The following RNF121 variants were observed in gnomAD, a reference collection of about 807,000 sequenced individuals.
RNF121 encodes ring finger protein 121.
Under a neutral mutation model 46.5 loss-of-function variants are expected in RNF121, and 21 were observed. That is an observed-to-expected ratio of 0.45 (90% CI 0.32 to 0.65). RNF121 has a LOEUF of 0.65. Ranked by LOEUF, RNF121 falls within the 30% of genes least tolerant of loss-of-function variation. The pLI, the probability that RNF121 is intolerant of heterozygous loss-of-function variation, is 0.04. For missense variants in RNF121, 346 were observed against 416.0 expected (o/e 0.83, Z 1.46); for synonymous variants, 139 against 144.7 (o/e 0.96, Z 0.28).
Position 71,977,751 on chromosome 11 carries a change from C to T in RNF121, c.244-5010C>T, listed in dbSNP as rs1358228704. ...CTCTTCCAGGAAGTTTTCCTGACAG[C>T]TCCTGCCTCATCTTTCCACTGAATT... On this transcript the variant is annotated intron_variant, in intron 3 of 8. Transcript: ENST00000361756. 5.3e-5 allele frequency among the ~76,000 whole-genome samples: 8 copies of T among 152,178 alleles called. No homozygotes were observed. In the East Asian group the frequency reaches 1.5e-3, roughly 29 times the overall value.
At chr11:71,961,031 A>C in intron 3 of RNF121, 140 bp downstream of exon 3, 2 of 948,134 alleles carry the variant, frequency 2.1e-6, no homozygotes, top group Non-Finnish European at 3.1e-6. Context: ...AATGATGAAT[A>C]GTGTATTGGC....
chr11:71,970,536 C>T (rs1954399678), intron 3 of RNF121, among the ~76,000 whole-genome samples: 2 of 152,048 alleles, frequency 1.3e-5, no homozygotes, highest in Admixed American at 1.3e-4. Context: ...GTGGTGTGCA[C>T]TTGTAATGCC....
intron 3 of RNF121, among the ~76,000 whole-genome samples, chr11:71,981,386 G>A (rs1954653315): frequency 6.6e-6 from 1 of 152,120 alleles, no homozygotes; most frequent in South Asian, 2.1e-4. Flanking sequence ...AGAATGCCAG[G>A]AAACTAGCCG....
Position 71,987,198 on chromosome 11 carries a change from A to G in RNF121, c.506+87A>G, listed in dbSNP as rs73531963. On this transcript the variant is annotated intron_variant, in intron 5 of 8. Coordinates refer to ENST00000361756, the MANE Select transcript of RNF121 (RefSeq NM_018320.5). ...CTCTTGTTGCAAGTCGTGGTTATTAACAGGAGGGACGTAATATCCAGGATA... is the reference window on the plus strand; with the variant it reads ...CTCTTGTTGCAAGTCGTGGTTATTAGCAGGAGGGACGTAATATCCAGGATA... 2,286 of 859,312 alleles carry G rather than the reference A, an allele frequency of 2.7e-3. 29 individuals carry two copies. The African/African-American group carries it at 0.034, about 13-fold the overall frequency. 53.2% of individuals were successfully genotyped at this position (859,312 alleles called of 1,614,324 possible). A position where few individuals can be genotyped will look rare whatever the true frequency, so the allele number is the denominator to read the frequency against.
intron 4 of RNF121, among the ~76,000 whole-genome samples, chr11:71,984,060 CCACTTGTT>C (rs1954716276): frequency 6.6e-6 from 1 of 152,148 alleles, no homozygotes; most frequent in Admixed American, 6.5e-5. Flanking sequence ...CCTAGCCCTG[CCACTTGTT>C]CACTGTATGA....
intron 1 of RNF121, among the ~76,000 whole-genome samples, chr11:71,936,838 G>A (rs576670679): frequency 1.3e-5 from 2 of 152,244 alleles, no homozygotes; most frequent in South Asian, 4.1e-4. Flanking sequence ...TTTAATGCAG[G>A]GACTATTTTT....
In RNF121 at chr11:71,962,260, G is replaced by A. The variant is rs537917524; in HGVS notation, c.243+1369G>A. 43 of 980,716 alleles carry A rather than the reference G, an allele frequency of 4.4e-5. No homozygotes were observed. In the East Asian group the frequency reaches 1.4e-3, roughly 31 times the overall value. The allele number at this position is 980,716 out of a possible 1,614,324, so 60.8% of individuals were successfully genotyped here. ...ATTACAGGCGTGAGCCACCGCGCCC[G>A]GCAGATTTTTACAACCTATTCTGAA... On this transcript the variant is annotated intron_variant, in intron 3 of 8. Transcript: ENST00000361756.
At chr11:71,959,637 C>CT (rs893968966) in intron 2 of RNF121, among the ~76,000 whole-genome samples, 4,558 of 138,182 alleles carry the variant, frequency 0.033, 179 homozygotes, top group African/African-American at 0.088. Context: ...CTCTCTTCTT[C>CT]TTTTTTTTTT....
intron 2 of RNF121, among the ~76,000 whole-genome samples, chr11:71,958,329 G>T (rs1954041947): frequency 6.6e-6 from 1 of 152,150 alleles, no homozygotes; most frequent in South Asian, 2.1e-4. Context: ...GAACAGGATG[G>T]TTTTGTTTTG....
chr11:71,990,902 A>G lies in RNF121; in HGVS notation c.627+185A>G, dbSNP rs577097126. On this transcript the variant is annotated intron_variant, in intron 6 of 8. Transcript: ENST00000361756. ...GAAAGCAACACAGCCATAAAAAAAG[A>G]TAAAACCATGTGCGTTGCAGCAACA... 6 of 726,476 alleles carry G rather than the reference A, an allele frequency of 8.3e-6. No individual in the cohort carries two copies. Among genetic ancestry groups the G allele is most frequent in the East Asian group, 7.8e-5 (3 of 38,234 alleles). The allele number at this position is 726,476 out of a possible 1,614,324, so 45.0% of individuals were successfully genotyped here. A position where few individuals can be genotyped will look rare whatever the true frequency, so the allele number is the denominator to read the frequency against.
chr11:71,948,824 C>G (rs1273720624), intron 1 of RNF121, among the ~76,000 whole-genome samples: 1 of 152,174 alleles, frequency 6.6e-6, no homozygotes. Context: ...GAATGGGGAG[C>G]TACAAATGTG....
chr11:71,988,345 G>A (rs1954806445), intron 5 of RNF121, among the ~76,000 whole-genome samples: 1 of 152,202 alleles, frequency 6.6e-6, no homozygotes. Context: ...ACTGGTGGCT[G>A]TGGGCTGTGG....
chr11:71,951,131 G>T (rs568606928), intron 1 of RNF121, among the ~76,000 whole-genome samples: 1 of 151,530 alleles, frequency 6.6e-6, no homozygotes, highest in Admixed American at 6.6e-5. Flanking sequence ...CGCTGAGGTG[G>T]GAGAATCGCT....
rs374173236 is a variant in RNF121 at position 71,994,747 on chromosome 11, A to G, written c.656A>G (p.Lys219Arg). The change falls in exon 7 of 9, where the codon AAA (lysine) becomes AGA (arginine). Residue 219 changes from lysine (K) to arginine (R), a missense_variant. Coordinates refer to ENST00000361756, the MANE Select transcript of RNF121 (RefSeq NM_018320.5). The stretch of plus-strand genomic sequence containing the variant: ...TACAGCGAGTCGGGCATGCCTACCA[A>G]ACATCTTTCAGACAGTGTGTGTGCT... ...GFYSESGMPT[K>R]HLSDSVCAVC... 2.5e-6 allele frequency: 4 copies of G among 1,614,010 alleles called. No homozygotes were observed. In the African/African-American group the frequency reaches 4.0e-5, roughly 16 times the overall value.
intron 4 of RNF121, among the ~76,000 whole-genome samples, chr11:71,984,279 T>A (rs1954721069): frequency 6.6e-6 from 1 of 152,198 alleles, no homozygotes; most frequent in African/African-American, 2.4e-5. Context: ...TAATAGTAAC[T>A]ACTAGCTTTT....
chr11:71,974,713 C>CT (rs1565155957), intron 3 of RNF121, among the ~76,000 whole-genome samples: 2 of 152,164 alleles, frequency 1.3e-5, no homozygotes, highest in Non-Finnish European at 2.9e-5. Context: ...TATTTAACGA[C>CT]TTTTGCCCAA....
chr11:71,935,280 CTATTAT>C (rs1485235640), intron 1 of RNF121, among the ~76,000 whole-genome samples: 1 of 152,096 alleles, frequency 6.6e-6, no homozygotes, highest in African/African-American at 2.4e-5. Context: ...AAGATATGTA[CTATTAT>C]TATTATCTCA....
intron 3 of RNF121, among the ~76,000 whole-genome samples, chr11:71,982,114 G>T (rs1483987955): frequency 6.6e-6 from 1 of 152,072 alleles, no homozygotes; most frequent in Non-Finnish European, 1.5e-5. Flanking sequence ...GAAATAGTAG[G>T]TCGGGGCCAT....
At chr11:71,974,946 C>T (rs1954498516) in intron 3 of RNF121, among the ~76,000 whole-genome samples, 1 of 152,336 alleles carries the variant, frequency 6.6e-6, no homozygotes, top group South Asian at 2.1e-4. Flanking sequence ...TAACATTACT[C>T]TTTAGCTCCT....
Sources: allele counts gnomAD v4.1 joint callset (sites outside exome capture counted in the v4.1 genomes callset), GRCh38; gene constraint gnomAD v4.1.1; transcripts MANE v1.5; gene names NCBI Gene and HGNC (gene_info 2026-07-23, HGNC 2026-07-21).